The following HEATR1 variants were observed in gnomAD, a reference collection of about 807,000 sequenced individuals.
HEATR1 encodes the protein HEAT repeat-containing protein 1.
HEATR1 carries 77 observed loss-of-function variants against 248.2 expected under a neutral mutation model. That is an observed-to-expected ratio of 0.31 (90% CI 0.26 to 0.37). The LOEUF (loss-of-function observed/expected upper bound fraction) is 0.37. Among genes scored for constraint, HEATR1 ranks in the 10% least tolerant of loss-of-function variants. The probability of loss-of-function intolerance (pLI) is 1.00; values close to 1 mark genes in which losing one functional copy is unlikely to be tolerated. For missense variants in HEATR1, 2,420 were observed against 2,504.9 expected, an observed-to-expected ratio of 0.97 and a Z score of 0.72; for synonymous variants, 897 against 923.1, an observed-to-expected ratio of 0.97 and a Z score of 0.51.
At chr1:236,592,141 T>C (rs1215749993) in intron 10 of HEATR1, 31 bp from the exon 11 acceptor site, 1 of 1,123,770 alleles carries the variant, frequency 8.9e-7, no homozygotes. Flanking sequence ...GAATTCATTA[T>C]TCTTAATAAA....
intron 28 of HEATR1, among the ~76,000 whole-genome samples, chr1:236,569,472 C>T (rs750968992): frequency 1.3e-5 from 2 of 152,132 alleles, no homozygotes; most frequent in Admixed American, 1.3e-4. Flanking sequence ...TTTTCCATTT[C>T]AACAATTCAT....
At chr1:236,569,237 G>A (rs979833707) in intron 28 of HEATR1, 113 bp from the exon 29 acceptor site, 20 of 739,146 alleles carry the variant, frequency 2.7e-5, no homozygotes, top group Non-Finnish European at 3.7e-5. Flanking sequence ...GTGCAGTTGT[G>A]TGATCACAGT....
rs756136936 is a variant in HEATR1 at position 236,576,917 on chromosome 1, G to T, written c.2788C>A (p.Pro930Thr). Residue 930 changes from proline (P) to threonine (T), a missense_variant, in exon 21 of 45, where the codon CCC (proline) becomes ACC (threonine). Coordinates refer to ENST00000366582, the MANE Select transcript of HEATR1 (RefSeq NM_018072.6). ...VTSLLINLGS[P>T]VKEVRRAAIQ... ...GCAGCCCTACGAACTTCTTTTACGG[G>T]GCTTCCCAGGTTAATGAGTAAAGAT... is the stretch of plus-strand genomic sequence containing the variant. The T allele has an allele frequency of 1.9e-6, 3 of 1,609,780 alleles. No homozygotes were observed. Among genetic ancestry groups the T allele is most frequent in the Non-Finnish European group, 2.5e-6 (3 of 1,178,506 alleles).
chr1:236,555,309 G>C lies in HEATR1; in HGVS notation c.5910C>G (p.Asn1970Lys). ...KPFADTLNQVNISKTDEAFFD... is the reference protein window; with the variant it reads ...KPFADTLNQVKISKTDEAFFD... Reference sequence around the variant, plus strand: ...GCGACCACCCACCTGTTTTGGAGATGTTCACCTGGTTCAAGGTGTCAGCAA... The same window carrying C: ...GCGACCACCCACCTGTTTTGGAGATCTTCACCTGGTTCAAGGTGTCAGCAA... The change falls in exon 41 of 45, where the codon AAC (asparagine) becomes AAG (lysine). Residue 1970 changes from asparagine (N) to lysine (K), a missense_variant. Coordinates refer to ENST00000366582, the MANE Select transcript of HEATR1 (RefSeq NM_018072.6). 1 of 1,614,134 alleles carries C rather than the reference G, an allele frequency of 6.2e-7. No individual in the cohort carries two copies. Among genetic ancestry groups the C allele is most frequent in the South Asian group, 1.1e-5 (1 of 91,072 alleles).
chr1:236,578,894 G>A (rs998832495), intron 20 of HEATR1, among the ~76,000 whole-genome samples: 4 of 151,980 alleles, frequency 2.6e-5, no homozygotes, highest in African/African-American at 9.7e-5. Context: ...CTGCGCTAGG[G>A]TTTTTAAAAA....
rs6428956 is a variant in HEATR1, at chr1:236,594,505, C to T, written c.1091-391G>A. On this transcript the variant is annotated intron_variant, in intron 8 of 44. Coordinates refer to ENST00000366582, the MANE Select transcript of HEATR1 (RefSeq NM_018072.6). Reference sequence around the variant, plus strand: ...ACCCCCTTACTGAACCAAAAGCTGTCATCTATTTCAGATTTATAATAAACA... The same window carrying T: ...ACCCCCTTACTGAACCAAAAGCTGTTATCTATTTCAGATTTATAATAAACA... Among the ~76,000 whole-genome samples, 842 of 152,304 alleles carry T rather than the reference C, an allele frequency of 5.5e-3. 9 individuals carry two copies. Among genetic ancestry groups the T allele is most frequent in the African/African-American group, 0.019 (784 of 41,570 alleles).
At position 236,558,252 on chromosome 1, in the gene HEATR1, A is replaced by G. The variant is rs940740518; in HGVS notation, c.5189T>C (p.Ile1730Thr). 7 of 1,610,928 alleles carry G rather than the reference A, an allele frequency of 4.3e-6. No homozygotes were observed. The highest frequency in any genetic ancestry group is 5.9e-6 in the Non-Finnish European group (7 of 1,178,458). ...EVTSTLEALAIPQLPSLMPSL... is the reference protein window; with the variant it reads ...EVTSTLEALATPQLPSLMPSL... ...GGCCGCATACCTGGGAAGCTGGGGG[A>G]TGGCCAGCGCCTCCAGGGTGGAGGT... Residue 1730 changes from isoleucine (I) to threonine (T), a missense_variant, in exon 36 of 45, where the codon ATC becomes ACC. By Grantham distance (89) the Ile-to-Thr change is moderately conservative (BLOSUM62 -1). Coordinates refer to ENST00000366582, the MANE Select transcript of HEATR1 (RefSeq NM_018072.6).
rs182272980 is a variant in HEATR1, at chr1:236,592,056, A to G, written c.1359T>C (p.Asp453=). 111 of 1,609,770 alleles carry G rather than the reference A, an allele frequency of 6.9e-5. No individual in the cohort carries two copies. The highest frequency in any genetic ancestry group is 2.2e-4 in the Admixed American group (13 of 59,980). ...VLEEHLKEIA[D]LKKQELFHQF... ...GATGGAAAAGCTCTTGTTTTTTCAG[A>G]TCTGCAATTTCCTTTAAGTGTTCCT... The change falls in exon 11 of 45, where the codon GAT becomes GAC. Residue 453 remains aspartate (D), a synonymous_variant. Transcript: ENST00000366582.
intron 43 of HEATR1, chr1:236,552,314 G>A: frequency 5.4e-6 from 2 of 373,710 alleles, no homozygotes; most frequent in Non-Finnish European, 9.6e-6. Context: ...CTTATAAATA[G>A]TGTTTTCCAA....
In HEATR1 at chr1:236,603,938, T is replaced by C; in HGVS notation, c.142+16A>G. On this transcript the variant is annotated intron_variant, in intron 2 of 44. Transcript: ENST00000366582. Reference sequence around the variant, plus strand: ...AAACGCTTCCAAGAGCTTTTCTAAGTTAAAAGATGGCTCACCAATGGCGAA... The same window carrying C: ...AAACGCTTCCAAGAGCTTTTCTAAGCTAAAAGATGGCTCACCAATGGCGAA... The C allele has an allele frequency of 1.3e-6, 2 of 1,583,156 alleles. No individual in the cohort carries two copies. The highest frequency in any genetic ancestry group is 1.2e-5 in the South Asian group (1 of 85,288).
intron 43 of HEATR1, 40 bp from the exon 44 acceptor site, chr1:236,552,147 T>C: frequency 7.6e-7 from 1 of 1,321,980 alleles, no homozygotes. Flanking sequence ...AAAGTAGTGT[T>C]ACTGTATTTA....
rs1250227751 is a variant in HEATR1 at position 236,585,174 on chromosome 1, G to C, written c.2092C>G (p.Leu698Val). Residue 698 changes from leucine (L) to valine (V), a missense_variant, in exon 17 of 45, where the codon CTG (leucine) becomes GTG (valine). Leu to Val is a conservative substitution (Grantham distance 32). Transcript: ENST00000366582. ...ACATGAAACGTTACTTTCTGCTTCA[G>C]GTTAAAGGACTCCTCCTCACCCACG... is the stretch of plus-strand genomic sequence containing the variant. The part of the protein sequence containing the change: ...ISVGEEESFN[L>V]KQKVTFHVIL... 1 of 1,613,810 alleles carries C rather than the reference G, an allele frequency of 6.2e-7. No individual in the cohort carries two copies.
intron 36 of HEATR1, 92 bp from the exon 37 acceptor site, chr1:236,557,437 T>G (rs1663008936): frequency 1.5e-6 from 2 of 1,343,980 alleles, no homozygotes. Context: ...ACCAGCAAAC[T>G]GTGCCTATTA....
rs1173301702 is a variant in HEATR1 at position 236,550,616 on chromosome 1, T to C, written c.*286A>G. 1.8e-5 allele frequency: 6 copies of C among 332,154 alleles called. No individual in the cohort carries two copies. In the East Asian group the frequency reaches 3.2e-4, roughly 17 times the overall value. The allele number at this position is 332,154 out of a possible 1,614,324, so 20.6% of individuals were successfully genotyped here. A position where few individuals can be genotyped will look rare whatever the true frequency, so the allele number is the denominator to read the frequency against. The stretch of plus-strand genomic sequence containing the variant: ...CTAAAATTAACAAGTCTAATATTAT[T>C]ACCATCAATCAGGAAGAGAATAATA... On this transcript the variant is annotated 3_prime_UTR_variant, in exon 45 of 45. Transcript: ENST00000366582.
chr1:236,566,597 C>T (rs745730570), intron 30 of HEATR1, 49 bp downstream of exon 30: 22 of 1,324,854 alleles, frequency 1.7e-5, no homozygotes, highest in Non-Finnish European at 2.1e-5. Flanking sequence ...ATCATAAAAT[C>T]TGTGTGAGAA....
rs1448743342 is a variant in HEATR1 at position 236,555,614 on chromosome 1, A to C, written c.5691T>G (p.Ile1897Met). 3 of 1,614,130 alleles carry C rather than the reference A, an allele frequency of 1.9e-6. No homozygotes were observed. Among genetic ancestry groups the C allele is most frequent in the Non-Finnish European group, 2.5e-6 (3 of 1,180,058 alleles). ...EEVGKTENCI[I>M]DCLVAMVVKL... is the part of the protein sequence containing the mutation. ...TGACAACCATGGCTACTAGACAGTC[A>C]ATGATACAATTTTCCGTTTTTCCAA... The change falls in exon 40 of 45, where the codon ATT becomes ATG. Residue 1897 changes from isoleucine (I) to methionine (M), a missense_variant. Ile to Met is a conservative substitution (Grantham distance 10). Transcript: ENST00000366582.
Position 236,550,839 on chromosome 1 carries a change from A to C in HEATR1, c.*63T>G. On this transcript the variant is annotated 3_prime_UTR_variant, in exon 45 of 45. Transcript: ENST00000366582. ...AAAAGTAACATGGCACCCAACACCC[A>C]AAAATAAAAATATGAAATATGAGTG... 2 of 1,345,674 alleles carry C rather than the reference A, an allele frequency of 1.5e-6. No homozygotes were observed. Among genetic ancestry groups the C allele is most frequent in the South Asian group, 1.3e-5 (1 of 76,728 alleles). The allele number at this position is 1,345,674 out of a possible 1,614,324, so 83.4% of individuals were successfully genotyped here.
rs779663173 is a variant in HEATR1 at position 236,571,469 on chromosome 1, A to G, written c.3830T>C (p.Ile1277Thr). The G allele has an allele frequency of 1.2e-6, 2 of 1,613,714 alleles. No individual in the cohort carries two copies. The highest frequency in any genetic ancestry group is 1.3e-5 in the African/African-American group (1 of 75,010). Residue 1277 changes from isoleucine to threonine, a missense_variant, in exon 28 of 45, where the codon ATT becomes ACT. Transcript: ENST00000366582. The stretch of plus-strand genomic sequence containing the variant: ...CACGTTGAACTTCTCCTCATCTAAA[A>G]TATCTACAATGGTGAGAAAGACAAA... ...SPDGGKIPKDILDEEKFNVEL... is the reference protein window; with the variant it reads ...SPDGGKIPKDTLDEEKFNVEL...
chr1:236,600,458 G>A (rs1213303167), intron 3 of HEATR1, among the ~76,000 whole-genome samples: 2 of 151,596 alleles, frequency 1.3e-5, no homozygotes, highest in African/African-American at 4.8e-5. Context: ...TCTGCCAACT[G>A]ATCCCTCTTC....
Sources: gnomAD v4.1 joint callset for allele counts (sites outside exome capture counted in the v4.1 genomes callset) on GRCh38, gnomAD v4.1.1 for gene constraint, MANE v1.5 for transcripts, NCBI Gene and HGNC (gene_info 2026-07-23, HGNC 2026-07-21) for gene names.